Variants in RGS12 observed in about 807,000 individuals in gnomAD.
RGS12 encodes regulator of G-protein signaling 12.
In RGS12, 66 loss-of-function variants were observed where a neutral mutation model predicts 120.1. The ratio of observed to expected loss-of-function variants is 0.55; its 90% CI spans 0.45 to 0.67. The LOEUF is 0.67. RGS12 is among the 30% of genes least tolerant of loss of function. The pLI, the probability that RGS12 is intolerant of heterozygous loss-of-function variation, is 0.00. For missense variants in RGS12, 1,859 were observed against 1,957.7 expected (o/e 0.95, Z 0.95); for synonymous variants, 827 against 804.7 (o/e 1.03, Z -0.47).
intron 17 of RGS12, 36 bp downstream of exon 17, chr4:3,430,991 G>T: frequency 1.2e-6 from 2 of 1,602,954 alleles, no homozygotes; most frequent in South Asian, 1.1e-5. Flanking sequence ...CCTTGGCCCC[G>T]TAAGCGTGGT....
At chr4:3,364,570 A>G (rs1220157135) in intron 3 of RGS12, among the ~76,000 whole-genome samples, 1 of 152,034 alleles carries the variant, frequency 6.6e-6, no homozygotes, top group Non-Finnish European at 1.5e-5. Context: ...GCCCCCGGAA[A>G]CGAGGCCAGG....
chr4:3,334,721 G>C (rs1387927676), intron 2 of RGS12, among the ~76,000 whole-genome samples: 1 of 151,818 alleles, frequency 6.6e-6, no homozygotes, highest in African/African-American at 2.4e-5. Flanking sequence ...TATTAATCTG[G>C]TGAAAGCAGC....
At position 3,316,401 on chromosome 4, in the gene RGS12, T is replaced by G; in HGVS notation, c.231T>G (p.His77Gln). ...VNEINVKKASHEDVVKLIGKC... is the reference protein window; with the variant it reads ...VNEINVKKASQEDVVKLIGKC... Reference sequence around the variant, plus strand: ...AAATCAACGTGAAAAAAGCATCTCATGAAGATGTAGTGAAATTAATTGGGA... The same window carrying G: ...AAATCAACGTGAAAAAAGCATCTCAGGAAGATGTAGTGAAATTAATTGGGA... Residue 77 changes from histidine to glutamine, a missense_variant, in exon 2 of 18, where the codon CAT (histidine) becomes CAG (glutamine). Physicochemically the swap from His to Gln is conservative, Grantham distance 24 (BLOSUM62 0). Coordinates refer to ENST00000336727, the MANE Select transcript of RGS12 (RefSeq NM_001394154.1). 6.2e-7 allele frequency: 1 copy of G among 1,614,054 alleles called. No homozygotes were observed. The highest frequency in any genetic ancestry group is 8.5e-7 in the Non-Finnish European group (1 of 1,180,004).
chr4:3,408,332 T>C (rs1318592673), intron 4 of RGS12, among the ~76,000 whole-genome samples: 2 of 152,178 alleles, frequency 1.3e-5, no homozygotes, highest in East Asian at 3.9e-4. Flanking sequence ...GTGCTGTGAA[T>C]TGTGAAATCC....
intron 7 of RGS12, 33 bp from the exon 8 acceptor site, chr4:3,416,880 C>A: frequency 1.3e-6 from 2 of 1,565,042 alleles, no homozygotes; most frequent in Non-Finnish European, 1.7e-6. Context: ...TGGGTCCCTC[C>A]TGTGACTGTC....
intron 1 of RGS12, among the ~76,000 whole-genome samples, chr4:3,299,647 A>G (rs1031288312): frequency 6.6e-5 from 10 of 152,198 alleles, no homozygotes; most frequent in South Asian, 2.1e-4. Flanking sequence ...AGAGCGTTCA[A>G]GTGATCAGGG....
Position 3,307,669 on chromosome 4 carries a change from C to T in RGS12, c.-101-8401C>T, listed in dbSNP as rs138139848. Among the ~76,000 whole-genome samples the T allele has an allele frequency of 4.4e-3, 675 of 152,338 alleles. 10 individuals are homozygous for T. Among genetic ancestry groups the T allele is most frequent in the African/African-American group, 0.015 (631 of 41,582 alleles). On this transcript the variant is annotated intron_variant, in intron 1 of 17. Transcript: ENST00000336727. ...CCCTGGGCCGTGGGTGTGCCAGCCT[C>T]GAGGCCTCGTGGCCCCTGCTCGTGC...
chr4:3,319,046 G>T (rs1725008547), intron 2 of RGS12, among the ~76,000 whole-genome samples: 1 of 152,208 alleles, frequency 6.6e-6, no homozygotes, highest in African/African-American at 2.4e-5. Context: ...CGGGGAGTAG[G>T]AAAGGCCGTG....
intron 3 of RGS12, among the ~76,000 whole-genome samples, chr4:3,353,123 T>G (rs773407177): frequency 3.3e-5 from 5 of 152,208 alleles, no homozygotes; most frequent in African/African-American, 4.8e-5. Context: ...AGCCTGATGT[T>G]AAAGGTATAA....
chr4:3,342,735 G>T (rs1203358723), intron 2 of RGS12, among the ~76,000 whole-genome samples: 1 of 152,050 alleles, frequency 6.6e-6, no homozygotes, highest in South Asian at 2.1e-4. Flanking sequence ...ACGATCCTGG[G>T]ATGACTGTTT....
At chr4:3,300,386 G>A (rs1003699962) in intron 1 of RGS12, among the ~76,000 whole-genome samples, 2 of 152,144 alleles carry the variant, frequency 1.3e-5, no homozygotes, top group African/African-American at 4.8e-5. Flanking sequence ...GTAGACAATC[G>A]TGTGGAAGAG....
chr4:3,387,284 C>T lies in RGS12; in HGVS notation c.2020+847C>T, dbSNP rs532006578. The stretch of plus-strand genomic sequence containing the variant: ...GGTTTGAGGTGCCACTGTATTTGTG[C>T]GTTAAAGAGAAACCAAATGTCGTTC... On this transcript the variant is annotated intron_variant, in intron 4 of 17. Transcript: ENST00000336727. Among the ~76,000 whole-genome samples, 14 of 152,272 alleles carry T rather than the reference C, an allele frequency of 9.2e-5. 1 individual carries two copies. The highest frequency in any genetic ancestry group is 1.9e-4 in the Non-Finnish European group (13 of 68,006).
At chr4:3,300,537 G>A (rs966355498) in intron 1 of RGS12, among the ~76,000 whole-genome samples, 7 of 152,174 alleles carry the variant, frequency 4.6e-5, no homozygotes, top group African/African-American at 1.7e-4. Flanking sequence ...TATCACCAGC[G>A]AGGGGCTAGC....
chr4:3,399,865 T>C (rs1258199857), intron 4 of RGS12, among the ~76,000 whole-genome samples: 3 of 152,240 alleles, frequency 2.0e-5, no homozygotes, highest in Non-Finnish European at 4.4e-5. Context: ...GGCTTTGTTT[T>C]TGTTCTAAGT....
chr4:3,435,784 A>C (rs1281689793), intron 17 of RGS12, among the ~76,000 whole-genome samples: 1 of 151,774 alleles, frequency 6.6e-6, no homozygotes, highest in Non-Finnish European at 1.5e-5. Context: ...AGTTCCAGCC[A>C]GGTCTTGCAG....
At chr4:3,333,226 T>C (rs1001871554) in intron 2 of RGS12, among the ~76,000 whole-genome samples, 1 of 152,208 alleles carries the variant, frequency 6.6e-6, no homozygotes, top group Non-Finnish European at 1.5e-5. Flanking sequence ...ATTTTTTGTA[T>C]TTTTAGTAGA....
At chr4:3,436,694 A>G (rs1472337222) in intron 17 of RGS12, among the ~76,000 whole-genome samples, 1 of 152,216 alleles carries the variant, frequency 6.6e-6, no homozygotes. Flanking sequence ...AGCAGCTGGC[A>G]GTGGCTGGCA....
In RGS12 at chr4:3,439,545, G is replaced by T. The variant is rs372398864; in HGVS notation, c.4205G>T (p.Gly1402Val). 3.7e-6 allele frequency: 6 copies of T among 1,612,440 alleles called. No individual in the cohort carries two copies. The highest frequency in any genetic ancestry group is 5.1e-6 in the Non-Finnish European group (6 of 1,179,782). ...GGCTCGGCGCCCGGGCGGGATGGTGGCATAGCGGGGGCACAGGCTGGCCCT... is the reference window on the plus strand; with the variant it reads ...GGCTCGGCGCCCGGGCGGGATGGTGTCATAGCGGGGGCACAGGCTGGCCCT... ...VTGSAPGRDG[G>V]IAGAQAGPGR... The change falls in exon 18 of 18, where the codon GGC (glycine) becomes GTC (valine). Residue 1402 changes from glycine (G) to valine (V), a missense_variant. Around this residue, in one of 3 missense-constraint regions of RGS12, gnomAD observed 517 missense variants for 488.5 expected, o/e 1.06. Transcript: ENST00000336727.
intron 2 of RGS12, among the ~76,000 whole-genome samples, chr4:3,329,880 A>G (rs1257371207): frequency 1.4e-5 from 2 of 145,054 alleles, no homozygotes; most frequent in African/African-American, 5.6e-5. Context: ...GCCTTTTTAA[A>G]ACAAATTTTC....
Sources: gnomAD v4.1 joint callset for allele counts (sites outside exome capture counted in the v4.1 genomes callset) on GRCh38, gnomAD v4.1.1 for gene constraint, gnomAD v4.1.1 regional missense constraint, MANE v1.5 for transcripts, NCBI Gene and HGNC (gene_info 2026-07-23, HGNC 2026-07-21) for gene names.